The following CNTNAP4 variants were observed in gnomAD, a reference collection of about 807,000 sequenced individuals.
CNTNAP4 encodes the protein contactin-associated protein-like 4.
In CNTNAP4, 98 loss-of-function variants were observed where a neutral mutation model predicts 148.4. That is an observed-to-expected ratio of 0.66 (90% confidence interval 0.56 to 0.78). The LOEUF (loss-of-function observed/expected upper bound fraction) is 0.78. CNTNAP4 is among the 30% of genes least tolerant of loss of function. The pLI, the probability that CNTNAP4 is intolerant of heterozygous loss-of-function variation, is 0.00. For synonymous variants in CNTNAP4, 730 were observed against 565.1 expected (o/e 1.29, Z -4.14); for missense variants, 1,935 against 1,565.6 (o/e 1.24, Z -3.98).
chr16:76,493,244 G>T (rs2082288134), intron 13 of CNTNAP4, among the ~76,000 whole-genome samples: 2 of 152,070 alleles, frequency 1.3e-5, no homozygotes, highest in Admixed American at 6.6e-5. Flanking sequence ...GTGATTTAGT[G>T]TCAAGTGATA....
chr16:76,293,900 G>A (rs890008470), intron 1 of CNTNAP4, among the ~76,000 whole-genome samples: 2 of 151,082 alleles, frequency 1.3e-5, no homozygotes, highest in African/African-American at 2.4e-5. Flanking sequence ...GGTTTGAACC[G>A]AGAATTGTAT....
chr16:76,440,102 G>A (rs373119569), intron 4 of CNTNAP4, among the ~76,000 whole-genome samples: 1 of 152,166 alleles, frequency 6.6e-6, no homozygotes, highest in East Asian at 1.9e-4. Flanking sequence ...AGTGTTTAAG[G>A]CTGACTTCAT....
intron 14 of CNTNAP4, among the ~76,000 whole-genome samples, chr16:76,497,197 A>T (rs2082427663): frequency 6.6e-6 from 1 of 152,166 alleles, no homozygotes; most frequent in Non-Finnish European, 1.5e-5. Flanking sequence ...GTTTACTTTT[A>T]TTATAAAGTT....
intron 1 of CNTNAP4, among the ~76,000 whole-genome samples, chr16:76,309,096 C>A (rs1960809643): frequency 6.6e-6 from 1 of 151,964 alleles, no homozygotes; most frequent in Non-Finnish European, 1.5e-5. Flanking sequence ...TGAGCGAGCA[C>A]ACCTGGCCTA....
chr16:76,458,623 A>G (rs1205608990), intron 8 of CNTNAP4, among the ~76,000 whole-genome samples: 2 of 152,076 alleles, frequency 1.3e-5, no homozygotes, highest in Non-Finnish European at 2.9e-5. Context: ...GGAAAATCTA[A>G]TGCTGCCAGT....
chr16:76,504,314 T>G (rs2143941451), intron 15 of CNTNAP4, among the ~76,000 whole-genome samples: 1 of 152,156 alleles, frequency 6.6e-6, no homozygotes, highest in African/African-American at 2.4e-5. Flanking sequence ...GTTGCTTGAC[T>G]TTTTACAAAG....
At chr16:76,287,249 T>C (rs935706999) in intron 1 of CNTNAP4, among the ~76,000 whole-genome samples, 3 of 152,106 alleles carry the variant, frequency 2.0e-5, no homozygotes, top group Admixed American at 6.6e-5. Context: ...TGAAACATGA[T>C]AAAACAAAAC....
Position 76,405,598 on chromosome 16 carries a change from C to G in CNTNAP4, c.391-21854C>G, listed in dbSNP as rs977138696. 3.9e-5 allele frequency among the ~76,000 whole-genome samples: 6 copies of G among 152,072 alleles called. No individual in the cohort carries two copies. In the East Asian group the frequency reaches 1.2e-3, roughly 29 times the overall value. On this transcript the variant is annotated intron_variant, in intron 3 of 23. Transcript: ENST00000611870. The stretch of plus-strand genomic sequence containing the variant: ...AGGAAGAGAAAAAATACTTACTCTT[C>G]ATTAACTAGAAGTGAGTCATCATAG...
At chr16:76,359,131 T>TA (rs1248668322) in intron 3 of CNTNAP4, among the ~76,000 whole-genome samples, 2 of 152,180 alleles carry the variant, frequency 1.3e-5, no homozygotes, top group Non-Finnish European at 2.9e-5. Flanking sequence ...ATGTACATCA[T>TA]AAAAAAACTT....
chr16:76,391,448 C>T (rs2016986649), intron 3 of CNTNAP4, among the ~76,000 whole-genome samples: 1 of 152,218 alleles, frequency 6.6e-6, no homozygotes, highest in South Asian at 2.1e-4. Context: ...AGCATGCTAA[C>T]ATTTATTTAT....
In CNTNAP4 at chr16:76,447,917, C is replaced by G. The variant is rs547934731; in HGVS notation, c.539-95C>G. On this transcript the variant is annotated intron_variant, in intron 4 of 23. Coordinates refer to ENST00000611870, the MANE Select transcript of CNTNAP4 (RefSeq NM_033401.5). ...ATCTGTATATGCATGTGTATGAGTA[C>G]GTATACTGCCTTTTCTCAATATATA... The G allele has an allele frequency of 4.8e-6, 4 of 826,962 alleles. No individual in the cohort carries two copies. In the African/African-American group the frequency reaches 6.8e-5, roughly 14 times the overall value. The allele number at this position is 826,962 out of a possible 1,614,324, so 51.2% of individuals were successfully genotyped here. A position where few individuals can be genotyped will look rare whatever the true frequency, so the allele number is the denominator to read the frequency against.
chr16:76,546,497 A>G (rs2084740710), intron 21 of CNTNAP4, among the ~76,000 whole-genome samples: 1 of 152,154 alleles, frequency 6.6e-6, no homozygotes, highest in Admixed American at 6.5e-5. Flanking sequence ...ATGAGAATCT[A>G]ATGCCTGATG....
At chr16:76,558,396 G>T in intron 23 of CNTNAP4, 94 bp from the exon 24 acceptor site, 1 of 678,206 alleles carries the variant, frequency 1.5e-6, no homozygotes, top group Admixed American at 2.9e-5. Context: ...GCTTAAAGTG[G>T]AAAATAGTGT....
Position 76,489,927 on chromosome 16 carries a change from T to A in CNTNAP4, c.2080+44T>A, listed in dbSNP as rs989835938. On this transcript the variant is annotated intron_variant, in intron 13 of 23. Transcript: ENST00000611870. Reference sequence around the variant, plus strand: ...CTGTCTTGTTGCACACATCACATCATGCACTTACTCAACTAGCTCCTGAGA... The same window carrying A: ...CTGTCTTGTTGCACACATCACATCAAGCACTTACTCAACTAGCTCCTGAGA... 3 of 1,287,994 alleles carry A rather than the reference T, an allele frequency of 2.3e-6. No homozygotes were observed. The African/African-American group carries it at 4.4e-5, about 19-fold the overall frequency. 79.8% of individuals were successfully genotyped at this position (1,287,994 alleles called of 1,614,324 possible).
At chr16:76,484,587 G>C (rs2081959730) in intron 12 of CNTNAP4, among the ~76,000 whole-genome samples, 1 of 152,060 alleles carries the variant, frequency 6.6e-6, no homozygotes, top group Non-Finnish European at 1.5e-5. Flanking sequence ...GAATGGGGGA[G>C]GTTAAGTGTA....
rs574705122 is a variant in CNTNAP4, at chr16:76,450,721, T to A, written c.1071+863T>A. On this transcript the variant is annotated intron_variant, in intron 7 of 23. Coordinates refer to ENST00000611870, the MANE Select transcript of CNTNAP4 (RefSeq NM_033401.5). The stretch of plus-strand genomic sequence containing the variant: ...ATCGGCCAATCTGTCCAAATGGCAA[T>A]GTTGGTCAGACTGCATTACATTCTA... 1.5e-3 allele frequency among the ~76,000 whole-genome samples: 226 copies of A among 152,260 alleles called. 1 individual carries two copies. Among genetic ancestry groups the A allele is most frequent in the African/African-American group, 5.3e-3 (219 of 41,562 alleles).
intron 14 of CNTNAP4, among the ~76,000 whole-genome samples, chr16:76,496,102 T>TGTGTGTGTGC (rs1163854808): frequency 6.6e-6 from 1 of 150,496 alleles, no homozygotes; most frequent in East Asian, 2.0e-4. Context: ...TGTGTGTGTG[T>TGTGTGTGTGC]GTGTGCGTGT....
intron 2 of CNTNAP4, among the ~76,000 whole-genome samples, chr16:76,343,073 G>A (rs1964614598): frequency 6.6e-6 from 1 of 151,522 alleles, no homozygotes; most frequent in Non-Finnish European, 1.5e-5. Flanking sequence ...GAAGCAATTT[G>A]AAATTGGCTA....
At chr16:76,551,404 A>AAAT (rs1555604335) in intron 21 of CNTNAP4, among the ~76,000 whole-genome samples, 35 of 139,516 alleles carry the variant, frequency 2.5e-4, no homozygotes, top group East Asian at 2.3e-3. Flanking sequence ...TTAAAAAAAA[A>AAAT]ATATATATAT....
Sources: gnomAD v4.1 joint callset for allele counts (sites outside exome capture counted in the v4.1 genomes callset) on GRCh38, gnomAD v4.1.1 for gene constraint, MANE v1.5 for transcripts, NCBI Gene and HGNC (gene_info 2026-07-23, HGNC 2026-07-21) for gene names.